The following CDH13 variants were observed in gnomAD, a reference collection of about 807,000 sequenced individuals.
CDH13 encodes the protein cadherin-13.
In CDH13, 24 loss-of-function variants were observed where a neutral mutation model predicts 63.8. That is an observed-to-expected ratio of 0.38 (90% CI 0.27 to 0.53). The LOEUF is 0.53. CDH13 is among the 20% of genes least tolerant of loss of function. The pLI, the probability that CDH13 is intolerant of heterozygous loss-of-function variation, is 0.85. For missense variants in CDH13, 1,049 were observed against 903.1 expected (o/e 1.16, Z -2.07); for synonymous variants, 503 against 355.3 (o/e 1.42, Z -4.67).
intron 2 of CDH13, among the ~76,000 whole-genome samples, chr16:82,886,626 C>G (rs753699699): frequency 9.3e-5 from 14 of 150,326 alleles, no homozygotes; most frequent in Non-Finnish European, 1.5e-4. Context: ...TTTTTACTTT[C>G]TAATGAGAAA....
chr16:83,100,487 C>G (rs779291103), intron 3 of CDH13, among the ~76,000 whole-genome samples: 12 of 152,138 alleles, frequency 7.9e-5, no homozygotes, highest in Non-Finnish European at 1.6e-4. Context: ...AGATAGAAAT[C>G]AAGATTCTCC....
intron 8 of CDH13, among the ~76,000 whole-genome samples, chr16:83,657,442 T>C (rs994483194): frequency 6.6e-5 from 10 of 152,134 alleles, no homozygotes; most frequent in African/African-American, 1.9e-4. Context: ...TCCCACTGAG[T>C]TCCTAGTTCC....
chr16:83,302,737 G>A (rs1186669072), intron 5 of CDH13, among the ~76,000 whole-genome samples: 2 of 152,194 alleles, frequency 1.3e-5, no homozygotes, highest in African/African-American at 4.8e-5. Flanking sequence ...AGGAAAAAGT[G>A]GGAGACGCCA....
intron 2 of CDH13, among the ~76,000 whole-genome samples, chr16:83,003,601 T>G (rs897228119): frequency 2.6e-5 from 4 of 152,234 alleles, no homozygotes; most frequent in African/African-American, 4.8e-5. Flanking sequence ...GACTTGAATA[T>G]ATCACATTGG....
intron 2 of CDH13, among the ~76,000 whole-genome samples, chr16:82,924,063 C>T (rs542437327): frequency 6.6e-6 from 1 of 152,328 alleles, no homozygotes; most frequent in South Asian, 2.1e-4. Context: ...TTTTTATATT[C>T]AATCAAAGTT....
At position 82,734,795 on chromosome 16, in the gene CDH13, C is replaced by A. The variant is rs899883374; in HGVS notation, c.45+107658C>A. Among the ~76,000 whole-genome samples the A allele has an allele frequency of 5.9e-5, 9 of 152,054 alleles. No homozygotes were observed. In the East Asian group the frequency reaches 1.8e-3, roughly 30 times the overall value. ...TGTTGATCGGTCATTGAATATAGGT[C>A]TTTCAATGGCAACAACAGTTACAAG... On this transcript the variant is annotated intron_variant, in intron 1 of 13. Coordinates refer to ENST00000567109, the MANE Select transcript of CDH13 (RefSeq NM_001257.5).
chr16:83,785,494 A>C (rs1316066180), intron 13 of CDH13, among the ~76,000 whole-genome samples: 1 of 152,218 alleles, frequency 6.6e-6, no homozygotes, highest in Non-Finnish European at 1.5e-5. Flanking sequence ...GGAGGGGCAC[A>C]AACTTCAGAG....
rs557297490 is a variant in CDH13, at chr16:83,459,723, G to A, written c.782-26754G>A. The stretch of plus-strand genomic sequence containing the variant: ...TGTATTAAGAGTCACTTGATCACAG[G>A]AAGAAAAATAACCAAATGACTCAAC... On this transcript the variant is annotated intron_variant, in intron 6 of 13. Coordinates refer to ENST00000567109, the MANE Select transcript of CDH13 (RefSeq NM_001257.5). Among the ~76,000 whole-genome samples, 258 of 152,310 alleles carry A rather than the reference G, an allele frequency of 1.7e-3. 1 individual carries two copies. The highest frequency in any genetic ancestry group is 5.9e-3 in the African/African-American group (244 of 41,578).
intron 1 of CDH13, among the ~76,000 whole-genome samples, chr16:82,680,778 C>G (rs1026369933): frequency 1.3e-5 from 2 of 152,146 alleles, no homozygotes; most frequent in Non-Finnish European, 2.9e-5. Context: ...TTATTACTAC[C>G]TCTAGGCCTG....
At chr16:82,906,036 A>G (rs1480491699) in intron 2 of CDH13, among the ~76,000 whole-genome samples, 2 of 152,142 alleles carry the variant, frequency 1.3e-5, no homozygotes, top group African/African-American at 4.8e-5. Flanking sequence ...ATACATGCAT[A>G]TTTCTATCTA....
intron 8 of CDH13, among the ~76,000 whole-genome samples, chr16:83,606,826 C>T (rs139199515): frequency 6.6e-6 from 1 of 152,072 alleles, no homozygotes; most frequent in Non-Finnish European, 1.5e-5. Flanking sequence ...GCTCCGCCGC[C>T]CTCACGGCTG....
chr16:83,094,768 A>G (rs2034111399), intron 3 of CDH13, among the ~76,000 whole-genome samples: 1 of 152,230 alleles, frequency 6.6e-6, no homozygotes, highest in African/African-American at 2.4e-5. Context: ...GTTTAAATTT[A>G]AAGTTGGTGA....
chr16:83,624,648 G>C (rs762210016), intron 8 of CDH13, among the ~76,000 whole-genome samples: 19 of 152,112 alleles, frequency 1.2e-4, no homozygotes, highest in Non-Finnish European at 2.4e-4. Flanking sequence ...GTGCTGCCTG[G>C]TTCCTAATAG....
chr16:82,677,446 C>CTTTTTTTTTTTTT (rs3041877), intron 1 of CDH13, among the ~76,000 whole-genome samples: 1 of 130,712 alleles, frequency 7.7e-6, no homozygotes. Flanking sequence ...ACTCTTCTGC[C>CTTTTTTTTTTTTT]TTTTTTTTTT....
intron 2 of CDH13, among the ~76,000 whole-genome samples, chr16:82,946,910 T>C (rs1272363203): frequency 2.0e-5 from 3 of 152,114 alleles, no homozygotes. Context: ...AAAATGCATA[T>C]ATATTTATTA....
chr16:82,764,927 G>A lies in CDH13; in HGVS notation c.46-93435G>A, dbSNP rs575819062. 3.3e-5 allele frequency among the ~76,000 whole-genome samples: 5 copies of A among 150,690 alleles called. No homozygotes were observed. In the Admixed American group the frequency reaches 3.3e-4, roughly 10 times the overall value. On this transcript the variant is annotated intron_variant, in intron 1 of 13. Transcript: ENST00000567109. ...CCTCCCAGGTTCAAGCGATTCTCCTGCCTCAGCCTCCCGAGTAGCTGAAAC... is the reference window on the plus strand; with the variant it reads ...CCTCCCAGGTTCAAGCGATTCTCCTACCTCAGCCTCCCGAGTAGCTGAAAC...
chr16:83,649,125 T>C (rs2150816620), intron 8 of CDH13, among the ~76,000 whole-genome samples: 1 of 152,296 alleles, frequency 6.6e-6, no homozygotes, highest in African/African-American at 2.4e-5. Context: ...CGCCCCCCAT[T>C]CCCCTCAGGT....
intron 1 of CDH13, among the ~76,000 whole-genome samples, chr16:82,664,243 C>G (rs1326422932): frequency 2.4e-4 from 37 of 152,232 alleles, no homozygotes; most frequent in Non-Finnish European, 2.5e-4. Flanking sequence ...CTGTTCTTCA[C>G]ATGGCTGTGT....
intron 4 of CDH13, among the ~76,000 whole-genome samples, chr16:83,158,220 T>G (rs953849149): frequency 2.8e-4 from 42 of 152,136 alleles, no homozygotes; most frequent in African/African-American, 9.4e-4. Context: ...TCTCATCTTA[T>G]TTTTAAATAA....
Sources: gnomAD v4.1 joint callset for allele counts (sites outside exome capture counted in the v4.1 genomes callset) on GRCh38, gnomAD v4.1.1 for gene constraint, MANE v1.5 for transcripts, NCBI Gene and HGNC (gene_info 2026-07-23, HGNC 2026-07-21) for gene names.